UPP2: variants seen among roughly 807,000 people sequenced by gnomAD.
UPP2 encodes the protein UPase 2.
In UPP2, 23 loss-of-function variants were observed where a neutral mutation model predicts 26.7. The ratio of observed to expected loss-of-function variants is 0.86; its 90% CI spans 0.62 to 1.22. The LOEUF (loss-of-function observed/expected upper bound fraction) is 1.22, where lower values mean the gene tolerates loss of function less well. Ranked by LOEUF, UPP2 falls within the 50% of genes most tolerant of loss-of-function variation. The pLI is 0.00. For synonymous variants in UPP2, 127 were observed against 141.3 expected, an observed-to-expected ratio of 0.90 and a Z score of 0.72; for missense variants, 387 against 396.7, an observed-to-expected ratio of 0.98 and a Z score of 0.21.
chr2:158,098,463 G>T (rs575602444), upstream of UPP2, among the ~76,000 whole-genome samples: 83 of 152,230 alleles, frequency 5.5e-4, no homozygotes, highest in Middle Eastern at 0.014. Flanking sequence ...GCCAGATGGG[G>T]CCAGCTGCAT....
At chr2:158,089,446 T>C (rs1250115244) in intron 3 of UPP2, among the ~76,000 whole-genome samples, 2 of 152,212 alleles carry the variant, frequency 1.3e-5, no homozygotes, top group East Asian at 3.9e-4. Context: ...ATTTTGCACC[T>C]CCCTGCCTGC....
At chr2:158,022,612 C>T (rs1047819322) in intron 3 of UPP2, among the ~76,000 whole-genome samples, 5 of 152,264 alleles carry the variant, frequency 3.3e-5, no homozygotes, top group African/African-American at 1.2e-4. Flanking sequence ...CTGACCTGTG[C>T]TTTGATAACC....
chr2:158,095,679 A>G (rs537714035), intron 3 of UPP2, among the ~76,000 whole-genome samples: 2 of 152,224 alleles, frequency 1.3e-5, no homozygotes, highest in South Asian at 4.1e-4. Flanking sequence ...TACCTATCTC[A>G]CAGACGTGTT....
At position 158,064,853 on chromosome 2, in the gene UPP2, C is replaced by T. The variant is rs1297112909; in HGVS notation, c.148-37187C>T. On this transcript the variant is annotated intron_variant, in intron 3 of 9. Coordinates refer to the UPP2 transcript ENST00000605860. The stretch of plus-strand genomic sequence containing the variant: ...CATTTATTAAATAGGAATCTTTTCC[C>T]CATTGCTTTTTTGTGTCAGGTTTGT... Among the ~76,000 whole-genome samples the T allele has an allele frequency of 2.0e-5, 3 of 152,110 alleles. No homozygotes were observed. The East Asian group carries it at 5.8e-4, about 29-fold the overall frequency.
At chr2:158,117,656 C>T (rs1235218910) in intron 3 of UPP2, among the ~76,000 whole-genome samples, 168 bp from the exon 4 acceptor site, 1 of 151,902 alleles carries the variant, frequency 6.6e-6, no homozygotes, top group Non-Finnish European at 1.5e-5. Flanking sequence ...GTCAGCATGT[C>T]ATGTAGGTGC....
At position 158,059,681 on chromosome 2, in the gene UPP2, C is replaced by T. The variant is rs146900675; in HGVS notation, c.148-42359C>T. On this transcript the variant is annotated intron_variant, in intron 3 of 9. Coordinates refer to the UPP2 transcript ENST00000605860. ...ATTATTGCAGGGAGAATTTGTACAA[C>T]GTCTGGCACACAGAGCTCTGGAGTG... 2.7e-3 allele frequency among the ~76,000 whole-genome samples: 407 copies of T among 152,296 alleles called. 3 individuals are homozygous for T. The highest frequency in any genetic ancestry group is 7.8e-3 in the African/African-American group (323 of 41,568).
At chr2:158,077,681 A>G (rs1682653016) in intron 3 of UPP2, among the ~76,000 whole-genome samples, 1 of 152,156 alleles carries the variant, frequency 6.6e-6, no homozygotes, top group Non-Finnish European at 1.5e-5. Context: ...AAACTATAAA[A>G]CTGCTACAAG....
At chr2:158,040,642 A>G (rs1232663276) in intron 3 of UPP2, among the ~76,000 whole-genome samples, 2 of 152,212 alleles carry the variant, frequency 1.3e-5, no homozygotes, top group African/African-American at 2.4e-5. Flanking sequence ...AATGAATTAA[A>G]CATACACTTT....
intron 6 of UPP2, among the ~76,000 whole-genome samples, chr2:158,134,355 G>A (rs931741169): frequency 6.6e-6 from 1 of 152,208 alleles, no homozygotes; most frequent in African/African-American, 2.4e-5. Flanking sequence ...GGGAATTACG[G>A]CTAGTTCTCC....
At chr2:158,039,428 C>T (rs930071152) in intron 3 of UPP2, among the ~76,000 whole-genome samples, 1 of 152,202 alleles carries the variant, frequency 6.6e-6, no homozygotes, top group Non-Finnish European at 1.5e-5. Flanking sequence ...CTGTAGTAAG[C>T]ATTATTTCAT....
chr2:158,125,156 A>G lies in UPP2; in HGVS notation c.811+1261A>G, dbSNP rs543835870. On this transcript the variant is annotated intron_variant, in intron 6 of 6. Transcript: ENST00000005756. ...AAAGAGGAAGGCTTCAAAGAAGTAA[A>G]GAATTACAGCACAATAAAGCTTCAT... Among the ~76,000 whole-genome samples, 5 of 152,314 alleles carry G rather than the reference A, an allele frequency of 3.3e-5. No individual in the cohort carries two copies. The East Asian group carries it at 9.6e-4, about 29-fold the overall frequency.
At chr2:158,101,331 T>C (rs889852520), upstream of UPP2, among the ~76,000 whole-genome samples, 3 of 152,262 alleles carry the variant, frequency 2.0e-5, no homozygotes, top group Non-Finnish European at 4.4e-5. Context: ...CCATGTGGAT[T>C]AACCCCTGGT....
chr2:158,108,312 A>T (rs1683237122), intron 2 of UPP2, among the ~76,000 whole-genome samples: 2 of 152,316 alleles, frequency 1.3e-5, no homozygotes, highest in Non-Finnish European at 2.9e-5. Flanking sequence ...AAATATATAC[A>T]TAGTGTTATA....
chr2:158,123,443 A>C (rs1574308237), intron 5 of UPP2, among the ~76,000 whole-genome samples: 1 of 151,332 alleles, frequency 6.6e-6, no homozygotes, highest in Non-Finnish European at 1.5e-5. Context: ...TCTCACAGCA[A>C]CCCCCCGCTT....
intron 3 of UPP2, among the ~76,000 whole-genome samples, chr2:158,096,172 T>G (rs1487861141): frequency 6.6e-6 from 1 of 152,190 alleles, no homozygotes; most frequent in Non-Finnish European, 1.5e-5. Flanking sequence ...ATTTACGCTT[T>G]GGTCACACTG....
At chr2:158,087,464 A>C (rs192020756) in intron 3 of UPP2, among the ~76,000 whole-genome samples, 1 of 152,192 alleles carries the variant, frequency 6.6e-6, no homozygotes, top group African/African-American at 2.4e-5. Flanking sequence ...TTTTAAGTGG[A>C]GCATTTTGAC....
intron 3 of UPP2, among the ~76,000 whole-genome samples, chr2:158,044,904 C>A (rs1261316832): frequency 6.6e-6 from 1 of 152,198 alleles, no homozygotes; most frequent in Non-Finnish European, 1.5e-5. Flanking sequence ...TCACTTCTGA[C>A]AAATTCCCTA....
intron 3 of UPP2, among the ~76,000 whole-genome samples, chr2:158,090,526 C>CCCAAG (rs939968410): frequency 6.9e-6 from 1 of 145,502 alleles, no homozygotes; most frequent in Non-Finnish European, 1.5e-5. Flanking sequence ...ACCCAAAAAA[C>CCCAAG]AAACAAACAA....
chr2:158,054,143 C>T (rs1447152305), intron 3 of UPP2, among the ~76,000 whole-genome samples: 7 of 152,240 alleles, frequency 4.6e-5, no homozygotes, highest in Admixed American at 1.3e-4. Flanking sequence ...CAGTGGCACA[C>T]GTCTGTAGTT....
Sources: allele counts gnomAD v4.1 joint callset (sites outside exome capture counted in the v4.1 genomes callset), GRCh38; gene constraint gnomAD v4.1.1; transcripts MANE v1.5; gene names NCBI Gene and HGNC (gene_info 2026-07-23, HGNC 2026-07-21).